ATP6V1B1: variants seen among roughly 807,000 people sequenced by gnomAD.
The protein encoded by ATP6V1B1 is V-type proton ATPase subunit B, kidney isoform.
In ATP6V1B1, 41 loss-of-function variants were observed where a neutral mutation model predicts 62.1. That is an observed-to-expected ratio of 0.66 (90% CI 0.51 to 0.86). The LOEUF is 0.86. Among genes scored for constraint, ATP6V1B1 ranks in the 40% least tolerant of loss-of-function variants. ATP6V1B1 has a pLI of 0.00. For synonymous variants in ATP6V1B1, 253 were observed against 273.4 expected (o/e 0.93, Z 0.74); for missense variants, 651 against 697.5 (o/e 0.93, Z 0.75).
intron 2 of ATP6V1B1, chr2:70,944,282 C>T (rs1211645016): frequency 1.8e-5 from 22 of 1,235,844 alleles, no homozygotes; most frequent in Non-Finnish European, 2.2e-5. Context: ...TATTTTGTAG[C>T]CCCTGGGAAA....
chr2:70,961,474 C>G, intron 7 of ATP6V1B1, 122 bp from the exon 8 acceptor site: 1 of 1,044,718 alleles, frequency 9.6e-7, no homozygotes, highest in East Asian at 2.4e-5. Flanking sequence ...GCCTTGGTGT[C>G]TTCACCCCCA....
At chr2:70,943,507 G>A (rs1553416746) in intron 1 of ATP6V1B1, 151 bp from the exon 2 acceptor site, 2 of 817,440 alleles carry the variant, frequency 2.4e-6, no homozygotes, top group African/African-American at 3.4e-5. Flanking sequence ...TACAGCAATG[G>A]TGGCTGGCCC....
intron 11 of ATP6V1B1, 81 bp from the exon 12 acceptor site, chr2:70,964,357 C>T (rs1680663563): frequency 4.9e-6 from 7 of 1,434,830 alleles, no homozygotes; most frequent in Middle Eastern, 3.5e-4. Context: ...AAGTGAGGAG[C>T]TTCTCCTGAG....
intron 1 of ATP6V1B1, 130 bp from the exon 2 acceptor site, chr2:70,943,528 A>G (rs1680062026): frequency 1.0e-6 from 1 of 966,908 alleles, no homozygotes; most frequent in Admixed American, 2.0e-5. Flanking sequence ...TGTCACAGCT[A>G]ATGACCCTGA....
intron 3 of ATP6V1B1, 79 bp downstream of exon 3, chr2:70,958,223 G>A (rs1480599968): frequency 8.8e-6 from 14 of 1,592,260 alleles, no homozygotes; most frequent in Non-Finnish European, 1.2e-5. Context: ...TACAAACTCT[G>A]AAGGCAGGAA....
rs1345285591 is a variant in ATP6V1B1 at position 70,958,141 on chromosome 2, TC to T, written c.271del (p.Gln91ArgfsTer73). On this transcript the variant is annotated frameshift_variant and splice_region_variant, in exon 3 of 14. Transcript: ENST00000234396. LOFTEE classifies it high-confidence loss of function. ...AGGTGGCTGGCACCAAGGCGATTGT[TC>T]AGGTGAGTGGGGTCAATGGGACATT... ...LEVAGTKAIVQVFEGTSGIDA... is the reference protein window; with the variant it reads ...LEVAGTKAIVXVFEGTSGIDA... 1 of 1,613,846 alleles carries T rather than the reference TC, an allele frequency of 6.2e-7. No individual in the cohort carries two copies. The highest frequency in any genetic ancestry group is 8.5e-7 in the Non-Finnish European group (1 of 1,179,986).
Position 70,936,080 on chromosome 2 carries a change from GCC to G in ATP6V1B1, c.118+11_118+12del. 6.2e-7 allele frequency: 1 copy of G among 1,613,328 alleles called. No homozygotes were observed. The highest frequency in any genetic ancestry group is 8.5e-7 in the Non-Finnish European group (1 of 1,179,422). On this transcript the variant is annotated intron_variant, in intron 1 of 13. Transcript: ENST00000234396. ...TCACCCACCCCCGTGTCAGTGAGTAGCCCCTCCACCGTGACGGGTGAGGTCAG... is the reference window on the plus strand; with the variant it reads ...TCACCCACCCCCGTGTCAGTGAGTAGCCTCCACCGTGACGGGTGAGGTCAG...
chr2:70,961,743 C>T (rs1680593073), intron 8 of ATP6V1B1, 50 bp downstream of exon 8: 1 of 1,563,430 alleles, frequency 6.4e-7, no homozygotes, highest in South Asian at 1.1e-5. Flanking sequence ...AGACCCCGTC[C>T]CCTTCCAAGA....
At chr2:70,945,225 A>G (rs538740778) in intron 2 of ATP6V1B1, among the ~76,000 whole-genome samples, 6 of 152,326 alleles carry the variant, frequency 3.9e-5, no homozygotes, top group African/African-American at 1.4e-4. Flanking sequence ...ATTTTGAGAT[A>G]CCTGCAACGA....
chr2:70,961,054 G>A (rs1553420010), intron 7 of ATP6V1B1, 32 bp downstream of exon 7: 1 of 1,552,520 alleles, frequency 6.4e-7, no homozygotes, highest in East Asian at 2.4e-5. Flanking sequence ...GCAAGTTCTG[G>A]AGGCTGTGAG....
chr2:70,950,693 A>G (rs1468558750), intron 2 of ATP6V1B1, among the ~76,000 whole-genome samples: 4 of 152,180 alleles, frequency 2.6e-5, no homozygotes, highest in Admixed American at 2.6e-4. Context: ...TTTCTAAACC[A>G]GAACCTCTTG....
chr2:70,957,460 A>G (rs1291183068), intron 2 of ATP6V1B1, among the ~76,000 whole-genome samples: 2 of 152,088 alleles, frequency 1.3e-5, no homozygotes, highest in Admixed American at 1.3e-4. Context: ...CCCTGGAAGG[A>G]CTGCGTGAGT....
At position 70,943,705 on chromosome 2, in the gene ATP6V1B1, C is replaced by T. The variant is rs781824659; in HGVS notation, c.166C>T (p.Arg56Trp). ...GAACGGGCCCCTGGTGGTGCTGGAC[C>T]GGGTCAAGGTAAGACTCTTCTGCTG... ...SVNGPLVVLDRVKFAQYAEIV... is the reference protein window; with the variant it reads ...SVNGPLVVLDWVKFAQYAEIV... The change falls in exon 2 of 14, where the codon CGG (arginine) becomes TGG (tryptophan). Residue 56 changes from arginine to tryptophan, a missense_variant. Coordinates refer to ENST00000234396, the MANE Select transcript of ATP6V1B1 (RefSeq NM_001692.4). 8.1e-6 allele frequency: 13 copies of T among 1,613,618 alleles called. No homozygotes were observed. The highest frequency in any genetic ancestry group is 2.7e-5 in the African/African-American group (2 of 74,872).
At position 70,965,038 on chromosome 2, in the gene ATP6V1B1, A is replaced by C; in HGVS notation, c.1459A>C (p.Lys487Gln). The C allele has an allele frequency of 6.2e-7, 1 of 1,613,608 alleles. No homozygotes were observed. The highest frequency in any genetic ancestry group is 8.5e-7 in the Non-Finnish European group (1 of 1,180,018). Residue 487 changes from lysine (K) to glutamine (Q), a missense_variant, in exon 14 of 14, where the codon AAG becomes CAG. Physicochemically the swap from Lys to Gln is moderately conservative, Grantham distance 53. Coordinates refer to ENST00000234396, the MANE Select transcript of ATP6V1B1 (RefSeq NM_001692.4). ...GCGCATCTTCCCCAAGGAGATGCTG[A>C]AGCGCATTCCGCAGGCCGTGATCGA... ...LLRIFPKEML[K>Q]RIPQAVIDEF...
Position 70,963,682 on chromosome 2 carries a change from G to A in ATP6V1B1, c.1143+28G>A. The A allele has an allele frequency of 6.2e-7, 1 of 1,602,586 alleles. No individual in the cohort carries two copies. The highest frequency in any genetic ancestry group is 8.6e-7 in the Non-Finnish European group (1 of 1,169,560). Reference sequence around the variant, plus strand: ...ACTGCCCTGTCCCTACCCACTTCCTGCTCTCAGCCCAGAGAAACACTGAGG... The same window carrying A: ...ACTGCCCTGTCCCTACCCACTTCCTACTCTCAGCCCAGAGAAACACTGAGG... On this transcript the variant is annotated intron_variant, in intron 11 of 13. Transcript: ENST00000234396. The surrounding 1 kb of genome is among the most constrained non-coding windows in gnomAD (Gnocchi z 4.3).
intron 9 of ATP6V1B1, 62 bp downstream of exon 9, chr2:70,962,962 G>C: frequency 6.2e-7 from 1 of 1,610,500 alleles, no homozygotes; most frequent in Non-Finnish European, 8.5e-7. Flanking sequence ...TGACACCCCA[G>C]ACGGTCACCC....
intron 1 of ATP6V1B1, chr2:70,941,307 T>C (rs1462423863): frequency 3.0e-6 from 3 of 985,502 alleles, no homozygotes; most frequent in African/African-American, 1.7e-5. Context: ...CTTGCCCTCC[T>C]GGAGGTGACA....
rs1417327461 is a variant in ATP6V1B1, at chr2:70,965,135, G to C, written c.*14G>C. 1.2e-6 allele frequency: 2 copies of C among 1,606,326 alleles called. No homozygotes were observed. The highest frequency in any genetic ancestry group is 8.5e-7 in the Non-Finnish European group (1 of 1,179,800). ...ACTGCGCTCTAGCCCCGCGCGCCGT[G>C]GCACCCCAACACCGGCAGGGAACCT... On this transcript the variant is annotated 3_prime_UTR_variant, in exon 14 of 14. Transcript: ENST00000234396.
At chr2:70,958,838 G>A (rs1680509906) in intron 4 of ATP6V1B1, among the ~76,000 whole-genome samples, 180 bp from the exon 5 acceptor site, 1 of 152,180 alleles carries the variant, frequency 6.6e-6, no homozygotes. Context: ...GAGGAAGGAA[G>A]ACTCTCACAG....
Sources: gnomAD v4.1 joint callset for allele counts (sites outside exome capture counted in the v4.1 genomes callset) on GRCh38, gnomAD v4.1.1 for gene constraint, Gnocchi (gnomAD v3.1) non-coding constraint, MANE v1.5 for transcripts, NCBI Gene and HGNC (gene_info 2026-07-23, HGNC 2026-07-21) for gene names.